The following ENOX1 variants were observed in gnomAD, a reference collection of about 807,000 sequenced individuals.
ENOX1 encodes the protein ecto-NOX disulfide-thiol exchanger 1, also known as candidate growth-related and time keeping constitutive hydroquinone (NADH) oxidase.
Under a neutral mutation model 82.5 loss-of-function variants are expected in ENOX1, and 42 were observed. That is an observed-to-expected ratio of 0.51 (90% CI 0.40 to 0.66). ENOX1 has a LOEUF of 0.66. Ranked by LOEUF, ENOX1 falls within the 30% of genes least tolerant of loss-of-function variation. The pLI is 0.00. For missense variants in ENOX1, 608 were observed against 811.6 expected (o/e 0.75, Z 3.05); for synonymous variants, 271 against 282.2 (o/e 0.96, Z 0.40).
At chr13:43,726,753 T>TGAGA (rs1555370112) in intron 1 of ENOX1, among the ~76,000 whole-genome samples, 9,344 of 140,912 alleles carry the variant, frequency 0.066, 382 homozygotes, top group Non-Finnish European at 0.092. Context: ...TGTGTGTGTG[T>TGAGA]GAGAGAGAGA....
At chr13:43,293,068 A>G (rs1490345241) in intron 12 of ENOX1, among the ~76,000 whole-genome samples, 2 of 151,344 alleles carry the variant, frequency 1.3e-5, no homozygotes, top group African/African-American at 4.9e-5. Context: ...CAACACAACC[A>G]CAGCCACCAT....
intron 1 of ENOX1, among the ~76,000 whole-genome samples, chr13:43,726,083 A>G (rs1168107496): frequency 6.6e-6 from 1 of 152,214 alleles, no homozygotes; most frequent in African/African-American, 2.4e-5. Context: ...AACAAGCCAT[A>G]TACTTATACA....
intron 6 of ENOX1, among the ~76,000 whole-genome samples, chr13:43,360,278 T>C (rs1263875042): frequency 1.3e-5 from 2 of 152,230 alleles, no homozygotes; most frequent in African/African-American, 4.8e-5. Context: ...AGAGTGGCTA[T>C]ATGCTTGTCC....
intron 12 of ENOX1, among the ~76,000 whole-genome samples, chr13:43,277,563 C>A (rs1158688335): frequency 3.9e-5 from 6 of 152,170 alleles, no homozygotes; most frequent in Non-Finnish European, 8.8e-5. Flanking sequence ...CCCTGCTGCA[C>A]CCTGACCTGG....
At chr13:43,235,020 T>C (rs1377066076) in intron 15 of ENOX1, among the ~76,000 whole-genome samples, 1 of 152,206 alleles carries the variant, frequency 6.6e-6, no homozygotes, top group African/African-American at 2.4e-5. Flanking sequence ...TTACTGCAGA[T>C]CATTAATTGC....
rs981850068 is a variant in ENOX1 at position 43,248,121 on chromosome 13, G to A, written c.1612-11383C>T. On this transcript the variant is annotated intron_variant, in intron 14 of 16. Coordinates refer to ENST00000690772, the MANE Select transcript of ENOX1 (RefSeq NM_001347969.2). ...GGGATGGTCTCGATCTCCTGACCTC[G>A]TGATCCGCCCGCCTCGGCCTCCCAA... Among the ~76,000 whole-genome samples the A allele has an allele frequency of 9.9e-5, 15 of 150,946 alleles. No homozygotes were observed. In the East Asian group the frequency reaches 2.9e-3, roughly 30 times the overall value.
intron 2 of ENOX1, among the ~76,000 whole-genome samples, chr13:43,619,459 G>A (rs2082630499): frequency 6.6e-6 from 1 of 151,980 alleles, no homozygotes; most frequent in Non-Finnish European, 1.5e-5. Context: ...TAATCATAAA[G>A]GGGTGCTGGA....
intron 1 of ENOX1, among the ~76,000 whole-genome samples, chr13:43,752,039 T>C (rs1382406469): frequency 6.6e-6 from 1 of 152,222 alleles, no homozygotes; most frequent in African/African-American, 2.4e-5. Flanking sequence ...TTCATGAACA[T>C]TTGATATGGT....
chr13:43,651,735 G>C lies in ENOX1; in HGVS notation c.-219+15744C>G, dbSNP rs538186560. On this transcript the variant is annotated intron_variant, in intron 2 of 16. Coordinates refer to ENST00000690772, the MANE Select transcript of ENOX1 (RefSeq NM_001347969.2). ...CACCTATAATCCCAGCACTTTGGGA[G>C]GCCACGGTGGGCAGATCTCTTGAGA... 1.7e-3 allele frequency among the ~76,000 whole-genome samples: 241 copies of C among 143,862 alleles called. 1 individual carries two copies. The highest frequency in any genetic ancestry group is 4.8e-3 in the African/African-American group (192 of 39,646). The allele number at this position is 143,862 out of a possible 152,430, so 94.4% of individuals were successfully genotyped here. A position where few individuals can be genotyped will look rare whatever the true frequency, so the allele number is the denominator to read the frequency against.
intron 5 of ENOX1, among the ~76,000 whole-genome samples, chr13:43,386,747 T>C (rs2052436413): frequency 6.6e-6 from 1 of 152,246 alleles, no homozygotes; most frequent in Non-Finnish European, 1.5e-5. Context: ...AAATTAATTT[T>C]GACACTTCAC....
intron 2 of ENOX1, among the ~76,000 whole-genome samples, chr13:43,659,438 C>T (rs767390869): frequency 2.0e-5 from 3 of 151,594 alleles, no homozygotes; most frequent in Non-Finnish European, 4.4e-5. Context: ...TGTGGTGAGC[C>T]GAGATCACGC....
chr13:43,555,294 T>C (rs1035337152), intron 2 of ENOX1, among the ~76,000 whole-genome samples: 6 of 152,248 alleles, frequency 3.9e-5, no homozygotes, highest in African/African-American at 1.4e-4. Context: ...TCCTCAACCA[T>C]CTGTGTTCTC....
rs567423586 is a variant in ENOX1, at chr13:43,580,965, A to T, written c.-219+86514T>A. ...ATTAATTGAAGCAGGTGGTAATGAA[A>T]GTTAGGACCTTGTGTTGAAATATGA... On this transcript the variant is annotated intron_variant, in intron 2 of 16. Coordinates refer to ENST00000690772, the MANE Select transcript of ENOX1 (RefSeq NM_001347969.2). 3.9e-5 allele frequency among the ~76,000 whole-genome samples: 6 copies of T among 152,256 alleles called. No individual in the cohort carries two copies. In the South Asian group the frequency reaches 1.2e-3, roughly 32 times the overall value.
At chr13:43,702,551 T>TC (rs1033738164) in intron 1 of ENOX1, among the ~76,000 whole-genome samples, 4 of 151,954 alleles carry the variant, frequency 2.6e-5, no homozygotes, top group African/African-American at 9.7e-5. Context: ...TCAAAATGTG[T>TC]CCCCCCAAAA....
At chr13:43,486,493 T>G (rs568449078) in intron 2 of ENOX1, among the ~76,000 whole-genome samples, 1 of 152,368 alleles carries the variant, frequency 6.6e-6, no homozygotes, top group African/African-American at 2.4e-5. Flanking sequence ...TGACAATTTT[T>G]AAACATTCAT....
intron 2 of ENOX1, among the ~76,000 whole-genome samples, chr13:43,510,324 A>G (rs2077321100): frequency 6.6e-6 from 1 of 152,144 alleles, no homozygotes; most frequent in African/African-American, 2.4e-5. Flanking sequence ...AATTACTTAT[A>G]CAATCCTTTT....
intron 2 of ENOX1, among the ~76,000 whole-genome samples, chr13:43,519,209 G>A (rs1390137214): frequency 6.6e-6 from 1 of 152,116 alleles, no homozygotes; most frequent in African/African-American, 2.4e-5. Flanking sequence ...ATACATATTA[G>A]TTCTTCCTCA....
chr13:43,664,538 T>C lies in ENOX1; in HGVS notation c.-219+2941A>G, dbSNP rs757441222. Reference sequence around the variant, plus strand: ...ATATAATTGCTCACCAGGCCCTACCTGCAGCCAGCAAGGGCTGGCCCACCA... The same window carrying C: ...ATATAATTGCTCACCAGGCCCTACCCGCAGCCAGCAAGGGCTGGCCCACCA... On this transcript the variant is annotated intron_variant, in intron 2 of 16. Coordinates refer to ENST00000690772, the MANE Select transcript of ENOX1 (RefSeq NM_001347969.2). Among the ~76,000 whole-genome samples the C allele has an allele frequency of 2.0e-5, 3 of 152,370 alleles. No homozygotes were observed. In the South Asian group the frequency reaches 6.2e-4, roughly 32 times the overall value.
rs1027941779 is a variant in ENOX1 at position 43,786,428 on chromosome 13, G to A, written c.-285+224C>T. On this transcript the variant is annotated intron_variant, in intron 1 of 16. Transcript: ENST00000690772. The surrounding 1 kb of genome is among the most constrained non-coding windows in gnomAD (Gnocchi z 6.0). ...CACCCCCGGGCGCGTAAAAGTGAGG[G>A]AGCTTGAGACGGGGCACGGCGGGGA... 6.6e-6 allele frequency among the ~76,000 whole-genome samples: 1 copy of A among 151,586 alleles called. No individual in the cohort carries two copies. Among genetic ancestry groups the A allele is most frequent in the Non-Finnish European group, 1.5e-5 (1 of 67,850 alleles).
Sources: allele counts gnomAD v4.1 joint callset (sites outside exome capture counted in the v4.1 genomes callset), GRCh38; gene constraint gnomAD v4.1.1; non-coding constraint Gnocchi (gnomAD v3.1); transcripts MANE v1.5; gene names NCBI Gene and HGNC (gene_info 2026-07-23, HGNC 2026-07-21).